The following KCNIP4 variants were observed in gnomAD, a reference collection of about 807,000 sequenced individuals.
The protein encoded by KCNIP4 is Kv channel-interacting protein 4.
In KCNIP4, 12 loss-of-function variants were observed where a neutral mutation model predicts 34.0. That is an observed-to-expected ratio of 0.35 (90% confidence interval 0.23 to 0.57). The LOEUF is 0.57. Among genes scored for constraint, KCNIP4 ranks in the 20% least tolerant of loss-of-function variants. KCNIP4 has a pLI of 0.83. For synonymous variants in KCNIP4, 124 were observed against 102.2 expected (o/e 1.21, Z -1.29); for missense variants, 238 against 311.7 (o/e 0.76, Z 1.78).
chr4:21,091,030 G>C (rs549964594), intron 1 of KCNIP4, among the ~76,000 whole-genome samples: 2 of 152,154 alleles, frequency 1.3e-5, no homozygotes, highest in Non-Finnish European at 2.9e-5. Flanking sequence ...TATCATCCTT[G>C]GGGGCTTTTT....
chr4:21,367,862 T>C (rs956970398), intron 1 of KCNIP4, among the ~76,000 whole-genome samples: 3 of 147,738 alleles, frequency 2.0e-5, no homozygotes, highest in Non-Finnish European at 4.4e-5. Flanking sequence ...ATGACATCTT[T>C]CCATGTCTGC....
chr4:21,946,045 C>T lies in KCNIP4; in HGVS notation c.61+2526G>A, dbSNP rs184970377. ...GCGTTTACTTGTTGAGAAGAGAGTACGGAACGAACTTTTTAAACTAAATTA... is the reference window on the plus strand; with the variant it reads ...GCGTTTACTTGTTGAGAAGAGAGTATGGAACGAACTTTTTAAACTAAATTA... On this transcript the variant is annotated intron_variant, in intron 1 of 8. Transcript: ENST00000382152. 4.7e-5 allele frequency among the ~76,000 whole-genome samples: 7 copies of T among 148,366 alleles called. No individual in the cohort carries two copies. The East Asian group carries it at 9.8e-4, about 21-fold the overall frequency.
At chr4:20,952,272 A>C (rs561088946) in intron 1 of KCNIP4, among the ~76,000 whole-genome samples, 1 of 152,328 alleles carries the variant, frequency 6.6e-6, no homozygotes, top group African/African-American at 2.4e-5. Flanking sequence ...AGAAGAAAGT[A>C]AAGAAACAGA....
rs371892644 is a variant in KCNIP4 at position 21,030,615 on chromosome 4, CTGAT to C, written c.62-147910_62-147907del. On this transcript the variant is annotated intron_variant, in intron 1 of 8. Coordinates refer to ENST00000382152, the MANE Select transcript of KCNIP4 (RefSeq NM_025221.6). ...TTACTTTTAATCAAACCATACCACA[CTGAT>C]TGACTTCAGAAATGCTTTGTTTAAC... Among the ~76,000 whole-genome samples the C allele has an allele frequency of 8.0e-4, 122 of 152,274 alleles. No individual in the cohort carries two copies. In the East Asian group the frequency reaches 0.018, roughly 22 times the overall value.
intron 5 of KCNIP4, among the ~76,000 whole-genome samples, chr4:20,743,987 A>G (rs1390277133): frequency 6.6e-6 from 1 of 152,226 alleles, no homozygotes; most frequent in Non-Finnish European, 1.5e-5. Flanking sequence ...GAAGACATTT[A>G]TGCAGCCACC....
At chr4:20,939,456 C>A (rs772729776) in intron 1 of KCNIP4, among the ~76,000 whole-genome samples, 3 of 152,070 alleles carry the variant, frequency 2.0e-5, no homozygotes, top group Non-Finnish European at 2.9e-5. Context: ...TCACTGCAAC[C>A]TCTGCCTCCC....
chr4:21,539,807 C>T (rs1427882204), intron 1 of KCNIP4, among the ~76,000 whole-genome samples: 1 of 151,954 alleles, frequency 6.6e-6, no homozygotes, highest in Non-Finnish European at 1.5e-5. Flanking sequence ...AGTGAAACCC[C>T]GTTTCTACTA....
At chr4:21,226,244 GGGGAGGGAGGGAGGGA>G (rs1165143722) in intron 1 of KCNIP4, among the ~76,000 whole-genome samples, 11 of 96,532 alleles carry the variant, frequency 1.1e-4, no homozygotes, top group African/African-American at 1.7e-4. Flanking sequence ...GGAGGGAGGG[GGGGAGGGAGGGAGGGA>G]GGGAGGGAGG....
At chr4:20,894,579 T>C (rs987280252) in intron 1 of KCNIP4, among the ~76,000 whole-genome samples, 5 of 152,208 alleles carry the variant, frequency 3.3e-5, no homozygotes, top group African/African-American at 1.2e-4. Flanking sequence ...CAGAATCTCA[T>C]AGTCTACTCT....
At chr4:20,885,609 T>C (rs1725210197) in intron 1 of KCNIP4, among the ~76,000 whole-genome samples, 1 of 152,104 alleles carries the variant, frequency 6.6e-6, no homozygotes, top group African/African-American at 2.4e-5. Context: ...GCTAGCTCTG[T>C]ATGAATTAAG....
At chr4:21,826,530 A>C (rs1722687873) in intron 1 of KCNIP4, among the ~76,000 whole-genome samples, 1 of 152,168 alleles carries the variant, frequency 6.6e-6, no homozygotes, top group African/African-American at 2.4e-5. Flanking sequence ...TTTTTAAATA[A>C]TTTAAATCTA....
intron 1 of KCNIP4, among the ~76,000 whole-genome samples, chr4:21,050,088 C>T (rs945608848): frequency 1.3e-5 from 2 of 152,118 alleles, no homozygotes; most frequent in Non-Finnish European, 2.9e-5. Context: ...GTCCCAGTTA[C>T]CCAGTTGAGA....
At chr4:21,149,719 G>A (rs1423416942) in intron 1 of KCNIP4, among the ~76,000 whole-genome samples, 2 of 152,084 alleles carry the variant, frequency 1.3e-5, no homozygotes, top group African/African-American at 4.8e-5. Flanking sequence ...TAGTCCAGAG[G>A]CAAGACTAAG....
Position 21,899,500 on chromosome 4 carries a change from A to T in KCNIP4, c.61+49071T>A, listed in dbSNP as rs192802298. On this transcript the variant is annotated intron_variant, in intron 1 of 8. Coordinates refer to ENST00000382152, the MANE Select transcript of KCNIP4 (RefSeq NM_025221.6). ...TAGGAAAGGAAGAAGTCAAATTATCATTGTTTGAAGATAATATGATCTTAT... is the reference window on the plus strand; with the variant it reads ...TAGGAAAGGAAGAAGTCAAATTATCTTTGTTTGAAGATAATATGATCTTAT... 2.0e-3 allele frequency among the ~76,000 whole-genome samples: 310 copies of T among 152,222 alleles called. 4 individuals are homozygous for T. The highest frequency in any genetic ancestry group is 7.4e-5 in the Non-Finnish European group (5 of 68,000).
chr4:21,385,331 G>A (rs1721923116), intron 1 of KCNIP4, among the ~76,000 whole-genome samples: 1 of 152,140 alleles, frequency 6.6e-6, no homozygotes, highest in African/African-American at 2.4e-5. Flanking sequence ...TGGGATAAAT[G>A]TTAACAGAGA....
At chr4:21,499,862 AAT>A (rs1223807123) in intron 1 of KCNIP4, among the ~76,000 whole-genome samples, 1 of 152,196 alleles carries the variant, frequency 6.6e-6, no homozygotes, top group African/African-American at 2.4e-5. Flanking sequence ...TTTTCCAAGT[AAT>A]ATATCCAACT....
At chr4:20,952,678 C>T (rs1182547176) in intron 1 of KCNIP4, among the ~76,000 whole-genome samples, 1 of 152,124 alleles carries the variant, frequency 6.6e-6, no homozygotes, top group Admixed American at 6.6e-5. Context: ...AATTTCATGC[C>T]AGATTTAAAA....
intron 1 of KCNIP4, among the ~76,000 whole-genome samples, chr4:21,034,421 T>C (rs1001823781): frequency 2.0e-5 from 3 of 152,232 alleles, no homozygotes; most frequent in African/African-American, 2.4e-5. Context: ...CCTTATGTTC[T>C]TTCTGTTTTG....
chr4:20,942,434 G>A (rs1731736400), intron 1 of KCNIP4, among the ~76,000 whole-genome samples: 1 of 152,160 alleles, frequency 6.6e-6, no homozygotes, highest in African/African-American at 2.4e-5. Context: ...GGATGCAGAG[G>A]CAGTGAATCA....
Sources: allele counts gnomAD v4.1 joint callset (sites outside exome capture counted in the v4.1 genomes callset), GRCh38; gene constraint gnomAD v4.1.1; transcripts MANE v1.5; gene names NCBI Gene and HGNC (gene_info 2026-07-23, HGNC 2026-07-21).